NFIL3: variants seen among roughly 807,000 people sequenced by gnomAD.
The protein encoded by NFIL3 is nuclear factor interleukin-3-regulated protein.
NFIL3 carries 5 observed loss-of-function variants against 10.0 expected under a neutral mutation model. The observed-to-expected ratio is 0.50, with a 90% CI of 0.26 to 1.06. The LOEUF is 1.06. NFIL3 is among the 50% of genes least tolerant of loss of function. NFIL3 has a pLI of 0.13. For synonymous variants in NFIL3, 202 were observed against 206.5 expected (o/e 0.98, Z 0.19); for missense variants, 436 against 547.6 (o/e 0.80, Z 2.03).
At chr9:91,455,805 G>A in the NFIL3 span, among the ~76,000 whole-genome samples, 1 of 152,118 alleles carries the variant, frequency 6.6e-6, no homozygotes, top group Non-Finnish European at 1.5e-5. Context: ...CTATGCACGT[G>A]GGAGTTATTT....
the NFIL3 span, among the ~76,000 whole-genome samples, chr9:91,451,651 G>C: frequency 6.6e-6 from 1 of 152,134 alleles, no homozygotes; most frequent in African/African-American, 2.4e-5. Flanking sequence ...ATGTCTCTCA[G>C]ACAAAAAGCA....
At chr9:91,445,323 A>G in the NFIL3 span, among the ~76,000 whole-genome samples, 1 of 152,226 alleles carries the variant, frequency 6.6e-6, no homozygotes, top group South Asian at 2.1e-4. Flanking sequence ...ACAGTAACCC[A>G]GGCTCTGTGA....
At chr9:91,482,933 C>T in the NFIL3 span, among the ~76,000 whole-genome samples, 1 of 152,214 alleles carries the variant, frequency 6.6e-6, no homozygotes, top group African/African-American at 2.4e-5. Flanking sequence ...ATGTCAGCAG[C>T]AGAGTATGGG....
intron 1 of NFIL3, among the ~76,000 whole-genome samples, chr9:91,413,997 G>C (rs1833605544): frequency 6.6e-6 from 1 of 151,904 alleles, no homozygotes; most frequent in South Asian, 2.1e-4. Flanking sequence ...GTCTGCCTTA[G>C]TTACTCTTCC....
the NFIL3 span, among the ~76,000 whole-genome samples, chr9:91,480,144 AT>A: frequency 0.39 from 55,397 of 140,350 alleles, 13,279 homozygotes; most frequent in African/African-American, 0.7. Flanking sequence ...ATAATCTAAT[AT>A]TTTTTTTTTT....
At chr9:91,444,625 T>C in the NFIL3 span, among the ~76,000 whole-genome samples, 366 of 152,204 alleles carry the variant, frequency 2.4e-3, 3 homozygotes, top group East Asian at 0.026. Flanking sequence ...AGGGAGACAA[T>C]TGGGCAGGGC....
At chr9:91,475,296 A>G in the NFIL3 span, among the ~76,000 whole-genome samples, 1 of 152,264 alleles carries the variant, frequency 6.6e-6, no homozygotes, top group Non-Finnish European at 1.5e-5. Flanking sequence ...ACTTATGTAT[A>G]GATATGTGCA....
the NFIL3 span, among the ~76,000 whole-genome samples, chr9:91,472,672 G>A: frequency 2.0e-5 from 3 of 152,108 alleles, no homozygotes; most frequent in African/African-American, 7.2e-5. Context: ...GCTCAGAGAA[G>A]TTTATTACTG....
Position 91,410,395 on chromosome 9 carries a change from T to C in NFIL3, c.340A>G (p.Thr114Ala), listed in dbSNP as rs1833523039. The change falls in exon 2 of 2, where the codon ACT (threonine) becomes GCT (alanine). Residue 114 changes from threonine to alanine, a missense_variant. By Grantham distance (58) the Thr-to-Ala change is moderately conservative (BLOSUM62 0). This residue lies in a region of NFIL3 where 22 missense variants were observed against 74.7 expected (regional missense o/e 0.29). Coordinates refer to ENST00000297689, the MANE Select transcript of NFIL3 (RefSeq NM_005384.3). The surrounding 1 kb of genome is among the most constrained non-coding windows in gnomAD (Gnocchi z 5.7). ...AGTGAAAGCAGCTCAGCTTTTAAAG[T>C]GGCGTTTTCTTCTCCCAGTGCAATT... Reference protein sequence around the residue: ...KLIALGEENATLKAELLSLKL... With the variant: ...KLIALGEENAALKAELLSLKL... The C allele has an allele frequency of 6.2e-7, 1 of 1,613,470 alleles. No homozygotes were observed. The highest frequency in any genetic ancestry group is 8.5e-7 in the Non-Finnish European group (1 of 1,179,894).
Position 91,410,309 on chromosome 9 carries a change from A to C in NFIL3, c.426T>G (p.Ser142Arg). 6.2e-7 allele frequency: 1 copy of C among 1,614,226 alleles called. No homozygotes were observed. The highest frequency in any genetic ancestry group is 8.5e-7 in the Non-Finnish European group (1 of 1,180,036). ...TAYAQEIQKLSNSTAVYFQDY... is the reference protein window; with the variant it reads ...TAYAQEIQKLRNSTAVYFQDY... ...CTTGAAAGTACACAGCTGTAGAATTACTGAGTTTCTGAATCTCTTGAGCAT... is the reference window on the plus strand; with the variant it reads ...CTTGAAAGTACACAGCTGTAGAATTCCTGAGTTTCTGAATCTCTTGAGCAT... Residue 142 changes from serine (S) to arginine (R), a missense_variant, in exon 2 of 2, where the codon AGT (serine) becomes AGG (arginine). Physicochemically the swap from Ser to Arg is moderately radical, Grantham distance 110. This residue lies in a region of NFIL3 where 338 missense variants were observed against 399.9 expected (regional missense o/e 0.85). Coordinates refer to ENST00000297689, the MANE Select transcript of NFIL3 (RefSeq NM_005384.3). The surrounding 1 kb of genome is among the most constrained non-coding windows in gnomAD (Gnocchi z 5.7).
At chr9:91,474,408 T>G in the NFIL3 span, among the ~76,000 whole-genome samples, 1 of 152,086 alleles carries the variant, frequency 6.6e-6, no homozygotes, top group Non-Finnish European at 1.5e-5. Context: ...ATAATTTAGG[T>G]TTTTCTACCC....
the NFIL3 span, among the ~76,000 whole-genome samples, chr9:91,467,673 C>A: frequency 6.6e-6 from 1 of 152,082 alleles, no homozygotes; most frequent in Non-Finnish European, 1.5e-5. Context: ...TCTCTTAATG[C>A]TATCCCTCCC....
chr9:91,413,357 T>C (rs1833592004), intron 1 of NFIL3, among the ~76,000 whole-genome samples: 1 of 152,048 alleles, frequency 6.6e-6, no homozygotes, highest in Non-Finnish European at 1.5e-5. Context: ...CAAGCGACTC[T>C]CCTGCCTCAG....
At chr9:91,434,666 A>C in the NFIL3 span, among the ~76,000 whole-genome samples, 1 of 152,188 alleles carries the variant, frequency 6.6e-6, no homozygotes, top group South Asian at 2.1e-4. Context: ...TTCTAGAAAA[A>C]GGTTTAACAT....
At chr9:91,431,767 A>T in the NFIL3 span, among the ~76,000 whole-genome samples, 1 of 152,138 alleles carries the variant, frequency 6.6e-6, no homozygotes, top group Non-Finnish European at 1.5e-5. Flanking sequence ...TTCCCAGTGC[A>T]GGACTTGTGC....
the NFIL3 span, among the ~76,000 whole-genome samples, chr9:91,475,138 T>C: frequency 5.9e-5 from 9 of 152,350 alleles, no homozygotes; most frequent in Non-Finnish European, 1.2e-4. Flanking sequence ...ATTGTTATCA[T>C]TTCTCAAGGC....
the NFIL3 span, among the ~76,000 whole-genome samples, chr9:91,475,849 C>T: frequency 1.3e-5 from 2 of 152,198 alleles, no homozygotes; most frequent in African/African-American, 2.4e-5. Context: ...ATGTGAATGA[C>T]ATTTACTTGA....
chr9:91,460,268 G>GTTTTTTTTTTTTTTTTTTTTTTTT, the NFIL3 span, among the ~76,000 whole-genome samples: 3 of 77,090 alleles, frequency 3.9e-5, no homozygotes, highest in East Asian at 6.2e-4. Flanking sequence ...GGAGGGCTTG[G>GTTTTTTTTTTTTTTTTTTTTTTTT]TTCTTTTTTT....
chr9:91,462,763 A>AT, the NFIL3 span, among the ~76,000 whole-genome samples: 4 of 126,152 alleles, frequency 3.2e-5, no homozygotes, highest in South Asian at 2.5e-4. Flanking sequence ...AGATTGTATT[A>AT]TTTTTTCTTT....
Sources: allele counts gnomAD v4.1 joint callset (sites outside exome capture counted in the v4.1 genomes callset), GRCh38; gene constraint gnomAD v4.1.1; regional missense constraint gnomAD v4.1.1; non-coding constraint Gnocchi (gnomAD v3.1); transcripts MANE v1.5; gene names NCBI Gene and HGNC (gene_info 2026-07-23, HGNC 2026-07-21).